KLHL29: variants seen among roughly 807,000 people sequenced by gnomAD.
KLHL29 encodes the protein kelch like family member 29, also known as kelch-like protein 29.
In KLHL29, 21 loss-of-function variants were observed where a neutral mutation model predicts 80.4. The observed-to-expected ratio is 0.26, with a 90% CI of 0.19 to 0.38. The LOEUF is 0.38. Ranked by LOEUF, KLHL29 falls within the 10% of genes least tolerant of loss-of-function variation. The pLI is 1.00. For synonymous variants in KLHL29, 511 were observed against 526.8 expected (o/e 0.97, Z 0.41); for missense variants, 867 against 1,223.9 (o/e 0.71, Z 4.35).
chr2:23,531,016 G>T (rs1279838524), intron 2 of KLHL29, among the ~76,000 whole-genome samples: 2 of 152,210 alleles, frequency 1.3e-5, no homozygotes, highest in African/African-American at 2.4e-5. Context: ...CTCACAGAAG[G>T]GTTCGTTTTC....
At chr2:23,699,762 G>A (rs1350700284) in intron 11 of KLHL29, among the ~76,000 whole-genome samples, 2 of 152,148 alleles carry the variant, frequency 1.3e-5, no homozygotes, top group Non-Finnish European at 2.9e-5. Flanking sequence ...CCCACCACAC[G>A]AGAAGGGAAG....
chr2:23,446,358 T>C (rs910559410), intron 1 of KLHL29, among the ~76,000 whole-genome samples: 1 of 152,210 alleles, frequency 6.6e-6, no homozygotes. Context: ...TTCTCTTCCA[T>C]TGATCTGTCA....
intron 3 of KLHL29, among the ~76,000 whole-genome samples, chr2:23,586,362 C>CT (rs778067234): frequency 0.053 from 5,110 of 96,978 alleles, 358 homozygotes; most frequent in African/African-American, 0.079. Flanking sequence ...AAAAGCATTA[C>CT]TTTTTTTTTT....
intron 1 of KLHL29, among the ~76,000 whole-genome samples, chr2:23,449,635 C>A (rs1663810186): frequency 6.6e-6 from 1 of 152,132 alleles, no homozygotes; most frequent in Admixed American, 6.5e-5. Flanking sequence ...AATGTGCATG[C>A]ATTTTCCTAA....
At position 23,695,749 on chromosome 2, in the gene KLHL29, A is replaced by G. The variant is rs1671912470; in HGVS notation, c.1669A>G (p.Lys557Glu). ...CTGCCGGGACCTGGTGAACGAGGCCAAACGCTACCATATGCTGCCCCACGC... is the reference window on the plus strand; with the variant it reads ...CTGCCGGGACCTGGTGAACGAGGCCGAACGCTACCATATGCTGCCCCACGC... ...EACRDLVNEA[K>E]RYHMLPHARQ... Residue 557 changes from lysine to glutamate, a missense_variant, in exon 9 of 14, where the codon AAA (lysine) becomes GAA (glutamate). Lys to Glu is a moderately conservative substitution (Grantham distance 56, BLOSUM62 1). Transcript: ENST00000486442. This position sits in a 1 kb window ranked among gnomAD's most constrained non-coding sequence, Gnocchi z 7.6. 1 of 1,551,428 alleles carries G rather than the reference A, an allele frequency of 6.4e-7. No homozygotes were observed. Among genetic ancestry groups the G allele is most frequent in the Admixed American group, 2.0e-5 (1 of 50,980 alleles).
At chr2:23,419,142 G>A (rs2103400313) in intron 1 of KLHL29, among the ~76,000 whole-genome samples, 1 of 152,294 alleles carries the variant, frequency 6.6e-6, no homozygotes, top group East Asian at 1.9e-4. Flanking sequence ...AGAAAACTCG[G>A]CTTCCAGATT....
chr2:23,536,717 G>A (rs1666673607), intron 2 of KLHL29, among the ~76,000 whole-genome samples: 1 of 152,186 alleles, frequency 6.6e-6, no homozygotes, highest in Non-Finnish European at 1.5e-5. Flanking sequence ...GGAGGACAAA[G>A]AAAGAATCTA....
chr2:23,417,011 CT>C, intron 1 of KLHL29, among the ~76,000 whole-genome samples: 1 of 152,312 alleles, frequency 6.6e-6, no homozygotes, highest in South Asian at 2.1e-4. Flanking sequence ...CTTCCTCCAC[CT>C]GGGTTCCTAT....
At chr2:23,385,977 C>T (rs1017975965) in intron 1 of KLHL29, among the ~76,000 whole-genome samples, 197 bp downstream of exon 1, 3 of 152,088 alleles carry the variant, frequency 2.0e-5, no homozygotes, top group Non-Finnish European at 2.9e-5. Flanking sequence ...GCCCTTGCGC[C>T]TGCGCTGCTC....
chr2:23,548,668 CCAG>C (rs1470736855), intron 2 of KLHL29, among the ~76,000 whole-genome samples: 1 of 152,226 alleles, frequency 6.6e-6, no homozygotes, highest in African/African-American at 2.4e-5. Flanking sequence ...CCCCAGCCGA[CCAG>C]CAGTGAGCGC....
In KLHL29 at chr2:23,562,819, G is replaced by T. The variant is rs1033637571; in HGVS notation, c.285+338G>T. 1.3e-5 allele frequency among the ~76,000 whole-genome samples: 2 copies of T among 152,136 alleles called. No individual in the cohort carries two copies. The highest frequency in any genetic ancestry group is 2.9e-5 in the Non-Finnish European group (2 of 68,022). On this transcript the variant is annotated intron_variant, in intron 3 of 13. Transcript: ENST00000486442. This position sits in a 1 kb window ranked among gnomAD's most constrained non-coding sequence, Gnocchi z 4.5. Reference sequence around the variant, plus strand: ...TATGGGGTTCCTAAATAGATAAATTGAGACCATGCAAGCATCCCTGGGGGT... The same window carrying T: ...TATGGGGTTCCTAAATAGATAAATTTAGACCATGCAAGCATCCCTGGGGGT...
intron 3 of KLHL29, among the ~76,000 whole-genome samples, chr2:23,604,136 G>GT (rs951356093): frequency 2.6e-5 from 4 of 151,000 alleles, no homozygotes; most frequent in Admixed American, 2.0e-4. Context: ...TTTCTTTTTT[G>GT]TTTTTTTATT....
intron 2 of KLHL29, among the ~76,000 whole-genome samples, chr2:23,483,532 C>A (rs574541079): frequency 2.3e-4 from 35 of 152,294 alleles, no homozygotes; most frequent in African/African-American, 7.0e-4. Flanking sequence ...GACTCCCTGA[C>A]CCCAAAACAG....
chr2:23,403,070 G>A (rs1476158949), intron 1 of KLHL29, among the ~76,000 whole-genome samples: 1 of 151,766 alleles, frequency 6.6e-6, no homozygotes, highest in African/African-American at 2.4e-5. Context: ...TAGATAAAAA[G>A]GCTGAAAATG....
chr2:23,498,254 G>A (rs542161681), intron 2 of KLHL29, among the ~76,000 whole-genome samples: 7 of 152,308 alleles, frequency 4.6e-5, no homozygotes, highest in African/African-American at 7.2e-5. Context: ...AGAATTCCCC[G>A]AAAATCAAGA....
intron 3 of KLHL29, among the ~76,000 whole-genome samples, chr2:23,632,963 A>T (rs1019365401): frequency 7.3e-6 from 1 of 137,080 alleles, no homozygotes; most frequent in African/African-American, 2.6e-5. Flanking sequence ...TTTCTGATGT[A>T]GGGAGTTCCA....
intron 5 of KLHL29, among the ~76,000 whole-genome samples, chr2:23,670,917 G>GCGCGCGCACTCTCTCTCTCTCTCTCTCT (rs150131401): frequency 5.4e-5 from 1 of 18,568 alleles, no homozygotes; most frequent in Non-Finnish European, 1.2e-4. Flanking sequence ...ACATGCACGC[G>GCGCGCGCACTCTCTCTCTCTCTCTCTCT]CTCTCTCTCT....
intron 1 of KLHL29, among the ~76,000 whole-genome samples, chr2:23,421,806 A>G (rs1274747174): frequency 6.9e-6 from 1 of 145,636 alleles, no homozygotes; most frequent in Non-Finnish European, 1.5e-5. Context: ...GTGTGTGTCC[A>G]TTTGTCTGTG....
At chr2:23,648,039 G>C (rs1669985980) in intron 5 of KLHL29, among the ~76,000 whole-genome samples, 1 of 152,024 alleles carries the variant, frequency 6.6e-6, no homozygotes. Flanking sequence ...ATGAAAGCAG[G>C]TCAGTGCTCA....
Sources: allele counts gnomAD v4.1 joint callset (sites outside exome capture counted in the v4.1 genomes callset), GRCh38; gene constraint gnomAD v4.1.1; non-coding constraint Gnocchi (gnomAD v3.1); transcripts MANE v1.5; gene names NCBI Gene and HGNC (gene_info 2026-07-23, HGNC 2026-07-21).